Variants in SMOC1 observed in about 807,000 individuals in gnomAD.
SMOC1 encodes the protein SPARC related modular calcium binding 1.
Under a neutral mutation model 56.3 loss-of-function variants are expected in SMOC1, and 22 were observed. The ratio of observed to expected loss-of-function variants is 0.39; its 90% CI spans 0.28 to 0.56. The LOEUF is 0.56. Among genes scored for constraint, SMOC1 ranks in the 20% least tolerant of loss-of-function variants. The pLI, the probability that SMOC1 is intolerant of heterozygous loss-of-function variation, is 0.61. For synonymous variants in SMOC1, 193 were observed against 215.0 expected (o/e 0.90, Z 0.89); for missense variants, 509 against 565.4 (o/e 0.90, Z 1.01).
At chr14:69,978,232 G>C (rs1160452077) in intron 5 of SMOC1, 2 of 531,850 alleles carry the variant, frequency 3.8e-6, no homozygotes, top group Non-Finnish European at 6.8e-6. Context: ...GTGAGCCCTA[G>C]GAATATTGGT....
intron 10 of SMOC1, among the ~76,000 whole-genome samples, chr14:70,016,756 C>G (rs1395349250): frequency 6.6e-6 from 1 of 152,196 alleles, no homozygotes; most frequent in Non-Finnish European, 1.5e-5. Flanking sequence ...AAGTCAAGCT[C>G]TTGCCTGTTC....
intron 7 of SMOC1, among the ~76,000 whole-genome samples, chr14:69,999,442 C>T (rs556338518): frequency 3.3e-5 from 5 of 152,300 alleles, no homozygotes; most frequent in African/African-American, 1.2e-4. Flanking sequence ...AAGCAAATAC[C>T]CCATGGCCAC....
intron 5 of SMOC1, among the ~76,000 whole-genome samples, chr14:69,989,022 G>T (rs1884470110): frequency 6.6e-6 from 1 of 152,118 alleles, no homozygotes; most frequent in Non-Finnish European, 1.5e-5. Context: ...ACATGTCTTT[G>T]TGTGGGCATG....
chr14:69,909,618 T>A (rs1594796994), intron 1 of SMOC1, among the ~76,000 whole-genome samples: 1 of 152,368 alleles, frequency 6.6e-6, no homozygotes, highest in East Asian at 1.9e-4. Context: ...AAATGAATAC[T>A]CAGTTTCTTG....
chr14:70,028,774 G>A (rs946033745), intron 11 of SMOC1, among the ~76,000 whole-genome samples: 2 of 152,336 alleles, frequency 1.3e-5, no homozygotes, highest in Middle Eastern at 3.4e-3. Flanking sequence ...CCTTGGGGCT[G>A]TCACCTTCTT....
rs759983472 is a variant in SMOC1 at position 70,023,383 on chromosome 14, C to T, written c.1227C>T (p.Asp409=). 6.2e-7 allele frequency: 1 copy of T among 1,614,120 alleles called. No individual in the cohort carries two copies. The highest frequency in any genetic ancestry group is 2.2e-5 in the East Asian group (1 of 44,878). The change falls in exon 11 of 12, where the codon GAC becomes GAT. Residue 409 remains aspartate, a synonymous_variant. Transcript: ENST00000361956. ...CCCGGCGTTTCACCGACTACTGTGA[C>T]CTGAACAAAGACAAGGTCATTTCAC... ...KCARRFTDYC[D]LNKDKVISLP... is the part of the protein sequence containing the mutation.
chr14:70,012,499 A>G (rs1885375724), intron 9 of SMOC1, among the ~76,000 whole-genome samples: 1 of 152,228 alleles, frequency 6.6e-6, no homozygotes, highest in Admixed American at 6.5e-5. Context: ...TGCTGTGAGA[A>G]TGGCAGGGAG....
chr14:69,949,408 T>C (rs951329765), intron 1 of SMOC1, among the ~76,000 whole-genome samples: 2 of 152,190 alleles, frequency 1.3e-5, no homozygotes, highest in African/African-American at 4.8e-5. Context: ...TTGTGCTAGA[T>C]GCTCGGGGGA....
intron 7 of SMOC1, among the ~76,000 whole-genome samples, chr14:70,009,438 T>C (rs573626536): frequency 2.0e-5 from 3 of 152,252 alleles, no homozygotes; most frequent in Non-Finnish European, 4.4e-5. Flanking sequence ...AGAGCCATTA[T>C]TTCAAGGAAG....
chr14:69,917,363 G>T (rs1386869383), intron 1 of SMOC1, among the ~76,000 whole-genome samples: 1 of 152,196 alleles, frequency 6.6e-6, no homozygotes, highest in Admixed American at 6.5e-5. Context: ...CCCAGCGTTT[G>T]CCTATAGTGC....
intron 3 of SMOC1, among the ~76,000 whole-genome samples, chr14:69,973,314 G>T (rs1410702688): frequency 3.3e-5 from 5 of 152,200 alleles, no homozygotes; most frequent in Non-Finnish European, 5.9e-5. Context: ...CCTTCGCTGG[G>T]TGCCAGACAA....
intron 1 of SMOC1, among the ~76,000 whole-genome samples, chr14:69,938,831 T>G (rs1882436697): frequency 6.6e-6 from 1 of 152,186 alleles, no homozygotes; most frequent in Non-Finnish European, 1.5e-5. Flanking sequence ...AGTGCTATTG[T>G]TTTTGCAAGT....
chr14:69,974,546 C>T (rs1039781010), intron 3 of SMOC1, among the ~76,000 whole-genome samples: 2 of 151,996 alleles, frequency 1.3e-5, no homozygotes, highest in Non-Finnish European at 2.9e-5. Context: ...TCACAGAGGA[C>T]CTTGTGCATA....
At chr14:69,987,010 T>C (rs1884391157) in intron 5 of SMOC1, among the ~76,000 whole-genome samples, 1 of 152,206 alleles carries the variant, frequency 6.6e-6, no homozygotes, top group Admixed American at 6.5e-5. Flanking sequence ...CATCCTCCTC[T>C]GGGTCTGATT....
At chr14:69,943,695 A>G (rs1170898356) in intron 1 of SMOC1, among the ~76,000 whole-genome samples, 5 of 152,086 alleles carry the variant, frequency 3.3e-5, no homozygotes, top group Non-Finnish European at 5.9e-5. Context: ...TTTCAATAGC[A>G]GGTTTACCTC....
intron 7 of SMOC1, among the ~76,000 whole-genome samples, chr14:69,997,395 A>T (rs1884807421): frequency 6.6e-6 from 1 of 152,260 alleles, no homozygotes; most frequent in Non-Finnish European, 1.5e-5. Flanking sequence ...TGTAGCGGAG[A>T]TAAACCATGT....
chr14:69,915,273 C>A (rs1314747985), intron 1 of SMOC1, among the ~76,000 whole-genome samples: 1 of 152,236 alleles, frequency 6.6e-6, no homozygotes, highest in Non-Finnish European at 1.5e-5. Context: ...AAGATAGTTT[C>A]TTCAGGTTAC....
chr14:70,015,065 C>T (rs1423505378), intron 10 of SMOC1, among the ~76,000 whole-genome samples: 1 of 152,136 alleles, frequency 6.6e-6, no homozygotes, highest in Non-Finnish European at 1.5e-5. Context: ...AACCTCAATG[C>T]CCATCAATGG....
At chr14:70,023,962 G>C (rs10136718) in intron 11 of SMOC1, among the ~76,000 whole-genome samples, 24,850 of 151,832 alleles carry the variant, frequency 0.16, 2,132 homozygotes, top group Non-Finnish European at 0.18. Flanking sequence ...TACTCTGGGG[G>C]TCATCTCCAT....
Sources: allele counts gnomAD v4.1 joint callset (sites outside exome capture counted in the v4.1 genomes callset), GRCh38; gene constraint gnomAD v4.1.1; transcripts MANE v1.5; gene names NCBI Gene and HGNC (gene_info 2026-07-23, HGNC 2026-07-21).